ARHGEF28: variants seen among roughly 807,000 people sequenced by gnomAD.
ARHGEF28 encodes 190 kDa guanine nucleotide exchange factor.
In ARHGEF28, 152 loss-of-function variants were observed where a neutral mutation model predicts 206.6. The observed-to-expected ratio is 0.74, with a 90% CI of 0.64 to 0.84. The LOEUF is 0.84. Ranked by LOEUF, ARHGEF28 falls within the 40% of genes least tolerant of loss-of-function variation. The probability of loss-of-function intolerance (pLI) is 0.00; values close to 1 mark genes in which losing one functional copy is unlikely to be tolerated. For synonymous variants in ARHGEF28, 763 were observed against 776.4 expected (o/e 0.98, Z 0.29); for missense variants, 2,028 against 2,073.2 (o/e 0.98, Z 0.42).
At position 73,748,980 on chromosome 5, in the gene ARHGEF28, C is replaced by G. The variant is rs80208644; in HGVS notation, c.34-857C>G. On this transcript the variant is annotated intron_variant, in intron 2 of 35. Coordinates refer to ENST00000513042, the MANE Select transcript of ARHGEF28 (RefSeq NM_001177693.2). ...CAAAGCCTCAGGATGATGAAATACCCGAGAGCCCCAGCCTGCTGCCCCACT... is the reference window on the plus strand; with the variant it reads ...CAAAGCCTCAGGATGATGAAATACCGGAGAGCCCCAGCCTGCTGCCCCACT... Among the ~76,000 whole-genome samples, 38 of 152,250 alleles carry G rather than the reference C, an allele frequency of 2.5e-4. No homozygotes were observed. The East Asian group carries it at 4.6e-3, about 19-fold the overall frequency.
intron 23 of ARHGEF28, among the ~76,000 whole-genome samples, 164 bp from the exon 24 acceptor site, chr5:73,883,601 CAA>C (rs1291830702): frequency 3.3e-5 from 5 of 152,072 alleles, no homozygotes; most frequent in African/African-American, 1.2e-4. Context: ...AAATTTATGA[CAA>C]AGTATGCAAT....
rs763925926 is a variant in ARHGEF28, at chr5:73,868,181, A to G, written c.2379A>G (p.Leu793=). 4.0e-5 allele frequency: 64 copies of G among 1,600,608 alleles called. No individual in the cohort carries two copies. In the Admixed American group the frequency reaches 5.4e-4, roughly 13 times the overall value. The change falls in exon 20 of 36, where the codon CTA becomes CTG. Residue 793 remains leucine (L), a synonymous_variant. Transcript: ENST00000513042. ...GCAGGTCTCATTCTGATGAGCTGCT[A>G]CAGTCCATGGGCTCTTCTCCCTCTA... ...CRSRSHSDEL[L]QSMGSSPSTE... is the part of the protein sequence containing the mutation.
At chr5:73,829,444 A>G (rs535202932) in intron 9 of ARHGEF28, among the ~76,000 whole-genome samples, 2 of 152,184 alleles carry the variant, frequency 1.3e-5, no homozygotes, top group African/African-American at 4.8e-5. Context: ...GCAGTGGCGC[A>G]ATCTCGGCTC....
chr5:73,695,248 G>A (rs115965729), intron 2 of ARHGEF28, among the ~76,000 whole-genome samples: 1,767 of 152,304 alleles, frequency 0.012, 37 homozygotes, highest in African/African-American at 0.04. Flanking sequence ...TTTAAAAAGT[G>A]TACTTTCAAT....
intron 1 of ARHGEF28, among the ~76,000 whole-genome samples, chr5:73,657,743 C>T (rs888097322): frequency 6.6e-6 from 1 of 152,156 alleles, no homozygotes; most frequent in Non-Finnish European, 1.5e-5. Context: ...TAGGCTGAGA[C>T]CAGAAACATT....
chr5:73,904,013 G>T (rs938995566), intron 31 of ARHGEF28: 3 of 559,304 alleles, frequency 5.4e-6, no homozygotes, highest in African/African-American at 1.9e-5. Flanking sequence ...CTCAAACATC[G>T]ACTTTGCGTG....
At position 73,806,527 on chromosome 5, in the gene ARHGEF28, GTATATATCTATATATAGTATGTATATAGT is replaced by G. The variant is rs1561417478; in HGVS notation, c.1024+11137_1024+11165del. Among the ~76,000 whole-genome samples, 127 of 122,798 alleles carry G rather than the reference GTATATATCTATATATAGTATGTATATAGT, an allele frequency of 1.0e-3. 5 individuals are homozygous for G. Among genetic ancestry groups the G allele is most frequent in the African/African-American group, 3.1e-3 (92 of 29,290 alleles). The allele number at this position is 122,798 out of a possible 152,430, so 80.6% of individuals were successfully genotyped here. On this transcript the variant is annotated intron_variant, in intron 9 of 35. Coordinates refer to ENST00000513042, the MANE Select transcript of ARHGEF28 (RefSeq NM_001177693.2). ...TATATCTATATATAGTATGTATATA[GTATATATCTATATATAGTATGTATATAGT>G]ATATATCTATATATAGTATGTATAT...
chr5:73,914,251 T>C (rs1763077246), intron 35 of ARHGEF28, among the ~76,000 whole-genome samples: 1 of 152,136 alleles, frequency 6.6e-6, no homozygotes, highest in African/African-American at 2.4e-5. Context: ...TTCTGTCCTT[T>C]GAGAGGGGCA....
intron 4 of ARHGEF28, among the ~76,000 whole-genome samples, chr5:73,764,888 A>T: frequency 6.6e-6 from 1 of 152,226 alleles, no homozygotes. Context: ...GCTCTAAGGC[A>T]CAACCCTTTT....
At chr5:73,882,738 G>T in intron 23 of ARHGEF28, 144 bp downstream of exon 23, 1 of 771,482 alleles carries the variant, frequency 1.3e-6, no homozygotes, top group South Asian at 2.4e-5. Flanking sequence ...TTGTGACAAA[G>T]GTGGAAAGTC....
At chr5:73,722,514 A>G (rs1251709512) in intron 2 of ARHGEF28, among the ~76,000 whole-genome samples, 1 of 152,222 alleles carries the variant, frequency 6.6e-6, no homozygotes, top group African/African-American at 2.4e-5. Flanking sequence ...TCATCTCACC[A>G]TGTGTTTCAA....
chr5:73,809,067 G>C (rs1275855600), intron 9 of ARHGEF28, among the ~76,000 whole-genome samples: 1 of 151,994 alleles, frequency 6.6e-6, no homozygotes, highest in Non-Finnish European at 1.5e-5. Flanking sequence ...GCCTGGCCAT[G>C]GTGCATGTTT....
chr5:73,702,854 C>T (rs188826972), intron 2 of ARHGEF28, among the ~76,000 whole-genome samples: 1 of 152,188 alleles, frequency 6.6e-6, no homozygotes, highest in African/African-American at 2.4e-5. Flanking sequence ...TGCAACCAAT[C>T]TTCATCCTCC....
intron 13 of ARHGEF28, among the ~76,000 whole-genome samples, chr5:73,851,450 T>C (rs908154907): frequency 9.2e-5 from 14 of 152,106 alleles, no homozygotes; most frequent in Non-Finnish European, 1.9e-4. Flanking sequence ...GGCAACTTTA[T>C]TTTTGATGTT....
rs747837923 is a variant in ARHGEF28 at position 73,727,014 on chromosome 5, G to A, written c.34-22823G>A. Among the ~76,000 whole-genome samples, 106 of 152,214 alleles carry A rather than the reference G, an allele frequency of 7.0e-4. 1 individual carries two copies. The highest frequency in any genetic ancestry group is 1.7e-3 in the South Asian group (8 of 4,814). On this transcript the variant is annotated intron_variant, in intron 2 of 35. Transcript: ENST00000513042. Reference sequence around the variant, plus strand: ...TTTATAACTGTTCTGAATGACATTGGCATTTAGAGATTGGAAGCTTTTAAA... The same window carrying A: ...TTTATAACTGTTCTGAATGACATTGACATTTAGAGATTGGAAGCTTTTAAA...
chr5:73,629,134 T>C (rs1432950652), intron 1 of ARHGEF28, among the ~76,000 whole-genome samples: 2 of 152,196 alleles, frequency 1.3e-5, no homozygotes, highest in African/African-American at 2.4e-5. Flanking sequence ...GGTGACACTT[T>C]TCTGGCTTTA....
At chr5:73,836,814 T>G (rs944435587) in intron 10 of ARHGEF28, among the ~76,000 whole-genome samples, 1 of 152,174 alleles carries the variant, frequency 6.6e-6, no homozygotes, top group East Asian at 1.9e-4. Flanking sequence ...AAGCCTTTAT[T>G]GCATTTTGAG....
At chr5:73,940,131 T>C (rs936869013) in intron 35 of ARHGEF28, among the ~76,000 whole-genome samples, 2 of 152,222 alleles carry the variant, frequency 1.3e-5, no homozygotes, top group African/African-American at 4.8e-5. Context: ...AGCAAGTGTC[T>C]TTCTTCAAAT....
chr5:73,799,574 CAG>C (rs1755015334), intron 9 of ARHGEF28, among the ~76,000 whole-genome samples: 4 of 152,132 alleles, frequency 2.6e-5, no homozygotes, highest in African/African-American at 9.7e-5. Flanking sequence ...TTGTGGGTGA[CAG>C]ACCAGATGTG....
Sources: gnomAD v4.1 joint callset for allele counts (sites outside exome capture counted in the v4.1 genomes callset) on GRCh38, gnomAD v4.1.1 for gene constraint, MANE v1.5 for transcripts, NCBI Gene and HGNC (gene_info 2026-07-23, HGNC 2026-07-21) for gene names.